Variants in TULP3 observed in about 807,000 individuals in gnomAD.
TULP3 encodes the protein TUB like protein 3.
In TULP3, 38 loss-of-function variants were observed where a neutral mutation model predicts 50.7. The ratio of observed to expected loss-of-function variants is 0.75; its 90% CI spans 0.58 to 0.98. The LOEUF (loss-of-function observed/expected upper bound fraction) is 0.98. Ranked by LOEUF, TULP3 falls within the 50% of genes least tolerant of loss-of-function variation. The pLI, the probability that TULP3 is intolerant of heterozygous loss-of-function variation, is 0.00. For missense variants in TULP3, 550 were observed against 568.0 expected (o/e 0.97, Z 0.32); for synonymous variants, 183 against 196.6 (o/e 0.93, Z 0.58).
chr12:2,909,451 G>C, intron 1 of TULP3, 78 bp from the exon 2 acceptor site: 1 of 1,391,646 alleles, frequency 7.2e-7, no homozygotes, highest in Non-Finnish European at 9.9e-7. Flanking sequence ...TAGCCCAAAA[G>C]AGTACATACA....
intron 1 of TULP3, among the ~76,000 whole-genome samples, chr12:2,907,628 G>GGA (rs994091919): frequency 2.0e-5 from 3 of 150,194 alleles, no homozygotes; most frequent in African/African-American, 7.4e-5. Context: ...AGCTTGGGCA[G>GGA]GAGAGAGAGA....
intron 8 of TULP3, among the ~76,000 whole-genome samples, chr12:2,934,982 T>C (rs1460135429): frequency 6.6e-6 from 1 of 152,156 alleles, no homozygotes; most frequent in Non-Finnish European, 1.5e-5. Context: ...TATCTTATTA[T>C]TATTTGTTTT....
At chr12:2,916,825 T>C (rs542743180) in intron 2 of TULP3, among the ~76,000 whole-genome samples, 1 of 152,370 alleles carries the variant, frequency 6.6e-6, no homozygotes, top group African/African-American at 2.4e-5. Context: ...ACTTGGACAG[T>C]AGTAAGATCA....
Position 2,939,412 on chromosome 12 carries a change from T to C in TULP3, c.1297T>C (p.Ser433Pro). 1 of 1,614,226 alleles carries C rather than the reference T, an allele frequency of 6.2e-7. No individual in the cohort carries two copies. Among genetic ancestry groups the C allele is most frequent in the South Asian group, 1.1e-5 (1 of 91,086 alleles). ...AGTACAGGCCTTTGGCATCGGTCTTTCTAGCTTTGACAGTAAGCTGGCGTG... is the reference window on the plus strand; with the variant it reads ...AGTACAGGCCTTTGGCATCGGTCTTCCTAGCTTTGACAGTAAGCTGGCGTG... ...CAVQAFGIGLSSFDSKLACE is the reference protein window; with the variant it reads ...CAVQAFGIGLPSFDSKLACE Residue 433 changes from serine (S) to proline (P), a missense_variant, in exon 11 of 11, where the codon TCT (serine) becomes CCT (proline). By Grantham distance (74) the Ser-to-Pro change is moderately conservative. Transcript: ENST00000448120. This position sits in a 1 kb window ranked among gnomAD's most constrained non-coding sequence, Gnocchi z 4.0.
In TULP3 at chr12:2,930,231, TC is replaced by T. The variant is rs1299596714; in HGVS notation, c.395-16del. 6.3e-7 allele frequency: 1 copy of T among 1,580,754 alleles called. No homozygotes were observed. Among genetic ancestry groups the T allele is most frequent in the Non-Finnish European group, 8.7e-7 (1 of 1,153,110 alleles). ...AAACAGTGTTGGCAGTGCTAACAGT[TC>T]TTCCTTTTCTGCTAGATATCTCTGA... On this transcript the variant is annotated splice_polypyrimidine_tract_variant and intron_variant, in intron 4 of 10. Coordinates refer to ENST00000448120, the MANE Select transcript of TULP3 (RefSeq NM_003324.5).
At chr12:2,931,324 ACT>A in intron 6 of TULP3, 84 bp downstream of exon 6, 13 of 1,369,952 alleles carry the variant, frequency 9.5e-6, no homozygotes, top group Non-Finnish European at 1.3e-5. Context: ...TAGGGAACTA[ACT>A]CTGGTATTAG....
At chr12:2,891,437 T>G (rs1377013477) in intron 1 of TULP3, among the ~76,000 whole-genome samples, 1 of 152,172 alleles carries the variant, frequency 6.6e-6, no homozygotes, top group African/African-American at 2.4e-5. Flanking sequence ...CGGGTAAAGC[T>G]GAATTCTGGA....
intron 1 of TULP3, among the ~76,000 whole-genome samples, chr12:2,898,170 G>C (rs748816928): frequency 1.3e-5 from 2 of 151,182 alleles, no homozygotes; most frequent in African/African-American, 4.9e-5. Flanking sequence ...ATAACCTTCT[G>C]AGTTAAGTGT....
intron 5 of TULP3, 166 bp from the exon 6 acceptor site, chr12:2,930,871 C>A: frequency 1.4e-6 from 1 of 730,644 alleles, no homozygotes; most frequent in Middle Eastern, 2.3e-4. Context: ...CTCTTCATTA[C>A]TCTCAATATT....
At chr12:2,901,285 A>AT (rs141208770) in intron 1 of TULP3, among the ~76,000 whole-genome samples, 6 of 115,430 alleles carry the variant, frequency 5.2e-5, no homozygotes, top group Admixed American at 9.0e-5. Context: ...GGCTAATTTG[A>AT]TTTTTTTTTT....
At chr12:2,919,372 G>A (rs920731589) in intron 2 of TULP3, among the ~76,000 whole-genome samples, 2 of 152,034 alleles carry the variant, frequency 1.3e-5, no homozygotes, top group African/African-American at 4.8e-5. Flanking sequence ...TTCTGTATTG[G>A]CACGTTATCT....
In TULP3 at chr12:2,939,543, G is replaced by T; in HGVS notation, c.*99G>T. ...CTGCCCCAGGACTTAAAGAGCAATAGTTTGCCCCTTTTGGAATGATCTCTG... is the reference window on the plus strand; with the variant it reads ...CTGCCCCAGGACTTAAAGAGCAATATTTTGCCCCTTTTGGAATGATCTCTG... On this transcript the variant is annotated 3_prime_UTR_variant, in exon 11 of 11. Transcript: ENST00000448120. The surrounding 1 kb of genome is among the most constrained non-coding windows in gnomAD (Gnocchi z 4.0). 1 of 1,534,920 alleles carries T rather than the reference G, an allele frequency of 6.5e-7. No individual in the cohort carries two copies.
In TULP3 at chr12:2,901,443, G is replaced by T. The variant is rs558564681; in HGVS notation, c.42-8086G>T. On this transcript the variant is annotated intron_variant, in intron 1 of 10. Coordinates refer to ENST00000448120, the MANE Select transcript of TULP3 (RefSeq NM_003324.5). ...GTTGCCCAGGCTGGAGTGCAGTGGCGTGATCTCAGCTCACTGCAACTTCTG... is the reference window on the plus strand; with the variant it reads ...GTTGCCCAGGCTGGAGTGCAGTGGCTTGATCTCAGCTCACTGCAACTTCTG... Among the ~76,000 whole-genome samples the T allele has an allele frequency of 2.6e-5, 4 of 151,474 alleles. No individual in the cohort carries two copies. The East Asian group carries it at 7.7e-4, about 29-fold the overall frequency.
chr12:2,917,359 C>T (rs1053960161), intron 2 of TULP3, among the ~76,000 whole-genome samples: 1 of 151,930 alleles, frequency 6.6e-6, no homozygotes, highest in African/African-American at 2.4e-5. Flanking sequence ...GTAATCCCCG[C>T]TACTCGGGAG....
At chr12:2,915,689 C>T (rs182770393) in intron 2 of TULP3, among the ~76,000 whole-genome samples, 27 of 152,048 alleles carry the variant, frequency 1.8e-4, no homozygotes, top group Non-Finnish European at 1.5e-4. Context: ...GGACTACAGG[C>T]GCATGCCTCC....
chr12:2,892,168 T>C (rs990981069), intron 1 of TULP3, among the ~76,000 whole-genome samples: 19 of 152,144 alleles, frequency 1.2e-4, no homozygotes, highest in Admixed American at 1.2e-3. Context: ...TTTTTAAAAA[T>C]TGTCACAAAG....
intron 1 of TULP3, among the ~76,000 whole-genome samples, chr12:2,907,735 T>TG (rs2098183173): frequency 6.6e-6 from 1 of 151,784 alleles, no homozygotes; most frequent in Non-Finnish European, 1.5e-5. Context: ...TATCTTTTTT[T>TG]GTCACACTAT....
At chr12:2,905,342 C>T (rs944764594) in intron 1 of TULP3, among the ~76,000 whole-genome samples, 20 of 151,708 alleles carry the variant, frequency 1.3e-4, no homozygotes, top group Non-Finnish European at 2.2e-4. Flanking sequence ...TGTACCACCA[C>T]GCCCAGCTAA....
At chr12:2,928,843 G>T in intron 4 of TULP3, among the ~76,000 whole-genome samples, 1 of 152,040 alleles carries the variant, frequency 6.6e-6, no homozygotes. Context: ...TACCGGGGAG[G>T]CTGAGACAAG....
Sources: gnomAD v4.1 joint callset for allele counts (sites outside exome capture counted in the v4.1 genomes callset) on GRCh38, gnomAD v4.1.1 for gene constraint, Gnocchi (gnomAD v3.1) non-coding constraint, MANE v1.5 for transcripts, NCBI Gene and HGNC (gene_info 2026-07-23, HGNC 2026-07-21) for gene names.